Variants in PARD3 observed in about 807,000 individuals in gnomAD.
PARD3 encodes par-3 family cell polarity regulator, also known as partitioning defective 3 homolog.
In PARD3, 75 loss-of-function variants were observed where a neutral mutation model predicts 155.4. That is an observed-to-expected ratio of 0.48 (90% confidence interval 0.40 to 0.58). The LOEUF is 0.58. PARD3 is among the 20% of genes least tolerant of loss of function. The pLI, the probability that PARD3 is intolerant of heterozygous loss-of-function variation, is 0.00. For missense variants in PARD3, 1,642 were observed against 1,721.7 expected (o/e 0.95, Z 0.82); for synonymous variants, 576 against 610.5 (o/e 0.94, Z 0.83).
intron 1 of PARD3, among the ~76,000 whole-genome samples, chr10:34,761,610 T>C (rs1204147843): frequency 6.6e-6 from 1 of 152,202 alleles, no homozygotes; most frequent in Admixed American, 6.5e-5. Context: ...TAATGGCCTA[T>C]TTCTTCTACT....
At chr10:34,151,829 A>G (rs1262898169) in intron 22 of PARD3, among the ~76,000 whole-genome samples, 1 of 152,198 alleles carries the variant, frequency 6.6e-6, no homozygotes, top group Non-Finnish European at 1.5e-5. Context: ...AGGCAAAGAT[A>G]TAATATCTCT....
intron 22 of PARD3, among the ~76,000 whole-genome samples, chr10:34,246,986 C>T (rs1953994158): frequency 6.6e-6 from 1 of 151,938 alleles, no homozygotes; most frequent in South Asian, 2.1e-4. Context: ...ACTCAGGAGG[C>T]TGAGGTGGGA....
chr10:34,436,753 G>C (rs1164817021), intron 5 of PARD3, among the ~76,000 whole-genome samples: 1 of 151,958 alleles, frequency 6.6e-6, no homozygotes, highest in African/African-American at 2.4e-5. Flanking sequence ...AATTATCAAA[G>C]TGTTTCAAAA....
chr10:34,341,848 C>A, intron 15 of PARD3, 32 bp from the exon 16 acceptor site: 1 of 1,372,682 alleles, frequency 7.3e-7, no homozygotes. Flanking sequence ...AGAGAAAATT[C>A]TAGACATCGA....
In PARD3 at chr10:34,374,877, T is replaced by G; in HGVS notation, c.1665A>C (p.Glu555Asp). Residue 555 changes from glutamate to aspartate, a missense_variant, in exon 11 of 25, where the codon GAA (glutamate) becomes GAC (aspartate). Physicochemically the swap from Glu to Asp is conservative, Grantham distance 45. This residue lies in a region of PARD3 where 1,529 missense variants were observed against 1,587.3 expected (regional missense o/e 0.96). Transcript: ENST00000374788. ...FRQEDAFHPR[E>D]LNAEPSQMQI... Reference sequence around the variant, plus strand: ...CATCTACTCTAAATTTACACACCAGTTCCCTTGGGTGGAAGGCGTCTTCCT... The same window carrying G: ...CATCTACTCTAAATTTACACACCAGGTCCCTTGGGTGGAAGGCGTCTTCCT... 1 of 1,613,918 alleles carries G rather than the reference T, an allele frequency of 6.2e-7. No homozygotes were observed. Among genetic ancestry groups the G allele is most frequent in the Non-Finnish European group, 8.5e-7 (1 of 1,179,858 alleles).
chr10:34,464,266 C>T (rs1004431083), intron 4 of PARD3, among the ~76,000 whole-genome samples: 3 of 151,958 alleles, frequency 2.0e-5, no homozygotes, highest in African/African-American at 7.3e-5. Flanking sequence ...CTGATGCACA[C>T]CCATGTAGAA....
intron 2 of PARD3, among the ~76,000 whole-genome samples, chr10:34,585,047 C>T (rs968401990): frequency 2.6e-5 from 4 of 152,110 alleles, no homozygotes; most frequent in African/African-American, 9.7e-5. Context: ...CATTCATGAT[C>T]ATCTGTAGAT....
intron 20 of PARD3, among the ~76,000 whole-genome samples, chr10:34,298,640 G>A (rs1957020511): frequency 6.6e-6 from 1 of 152,174 alleles, no homozygotes; most frequent in Admixed American, 6.5e-5. Context: ...TTCGCAAGAC[G>A]AAAGGCGTTC....
intron 1 of PARD3, among the ~76,000 whole-genome samples, chr10:34,779,889 T>C (rs886229683): frequency 5.3e-5 from 8 of 152,218 alleles, no homozygotes; most frequent in African/African-American, 1.9e-4. Context: ...CACAGGCAAA[T>C]TCCTTGGTGA....
chr10:34,195,410 C>T (rs1274476), intron 22 of PARD3, among the ~76,000 whole-genome samples: 32,104 of 149,168 alleles, frequency 0.22, 4,093 homozygotes, highest in Non-Finnish European at 0.27. Context: ...ATGCACAGAA[C>T]GCCTGCTACA....
chr10:34,212,677 G>T (rs572928568), intron 22 of PARD3, among the ~76,000 whole-genome samples: 2 of 152,050 alleles, frequency 1.3e-5, no homozygotes, highest in Non-Finnish European at 2.9e-5. Flanking sequence ...GGGTTCTGAG[G>T]GGGGCAAAGG....
At chr10:34,726,397 C>T (rs2094711963) in intron 1 of PARD3, among the ~76,000 whole-genome samples, 1 of 152,182 alleles carries the variant, frequency 6.6e-6, no homozygotes, top group African/African-American at 2.4e-5. Context: ...ACCAGCCTGG[C>T]CAACATGGTG....
At chr10:34,570,445 G>A (rs921952339) in intron 2 of PARD3, among the ~76,000 whole-genome samples, 4 of 152,196 alleles carry the variant, frequency 2.6e-5, no homozygotes, top group Middle Eastern at 3.4e-3. Flanking sequence ...TCAATTCTGG[G>A]ATTCCATGAA....
chr10:34,782,664 CT>C (rs777497830), intron 1 of PARD3, among the ~76,000 whole-genome samples: 21 of 152,168 alleles, frequency 1.4e-4, no homozygotes, highest in Non-Finnish European at 2.5e-4. Flanking sequence ...CATCCCCACT[CT>C]ACACCAACTT....
intron 2 of PARD3, among the ~76,000 whole-genome samples, chr10:34,658,398 G>A (rs2093236944): frequency 1.3e-5 from 2 of 152,240 alleles, no homozygotes; most frequent in South Asian, 4.2e-4. Context: ...ATAAGGAAGA[G>A]GGTAAACAGG....
intron 2 of PARD3, among the ~76,000 whole-genome samples, chr10:34,548,138 C>T (rs934643837): frequency 6.6e-6 from 1 of 152,170 alleles, no homozygotes; most frequent in Non-Finnish European, 1.5e-5. Flanking sequence ...CACAGGCAGG[C>T]TCTTTCTCTC....
rs575139416 is a variant in PARD3, at chr10:34,145,189, G to GTA, written c.3420-13608_3420-13607dup. On this transcript the variant is annotated intron_variant, in intron 22 of 24. Coordinates refer to ENST00000374788, the MANE Select transcript of PARD3 (RefSeq NM_001184785.2). ...TCAACTCTTCATTGTGTGTGTGTGT[G>GTA]TATATATATATATATATATATATAT... 8.0e-3 allele frequency among the ~76,000 whole-genome samples: 397 copies of GTA among 49,590 alleles called. 4 individuals are homozygous for GTA. The highest frequency in any genetic ancestry group is 0.01 in the Non-Finnish European group (317 of 30,704). 32.5% of individuals were successfully genotyped at this position (49,590 alleles called of 152,430 possible).
chr10:34,814,753 C>G, intron 1 of PARD3, 123 bp downstream of exon 1: 1 of 858,428 alleles, frequency 1.2e-6, no homozygotes, highest in Non-Finnish European at 1.7e-6. Context: ...CGAGGCCCGA[C>G]CGGCCGCACT....
At chr10:34,275,252 C>T (rs1025083360) in intron 21 of PARD3, among the ~76,000 whole-genome samples, 1 of 152,114 alleles carries the variant, frequency 6.6e-6, no homozygotes, top group African/African-American at 2.4e-5. Context: ...ATGTTGTCCC[C>T]AAAGTTCTAA....
Sources: gnomAD v4.1 joint callset for allele counts (sites outside exome capture counted in the v4.1 genomes callset) on GRCh38, gnomAD v4.1.1 for gene constraint, gnomAD v4.1.1 regional missense constraint, MANE v1.5 for transcripts, NCBI Gene and HGNC (gene_info 2026-07-23, HGNC 2026-07-21) for gene names.